Variants in OSBPL9 observed in about 807,000 individuals in gnomAD.
OSBPL9 encodes the protein oxysterol-binding protein-related protein 9.
Under a neutral mutation model 106.6 loss-of-function variants are expected in OSBPL9, and 40 were observed. The ratio of observed to expected loss-of-function variants is 0.38; its 90% CI spans 0.29 to 0.49. OSBPL9 has a LOEUF of 0.49. Among genes scored for constraint, OSBPL9 ranks in the 20% least tolerant of loss-of-function variants. The pLI is 0.97. For synonymous variants in OSBPL9, 269 were observed against 295.4 expected, an observed-to-expected ratio of 0.91 and a Z score of 0.92; for missense variants, 609 against 887.2, an observed-to-expected ratio of 0.69 and a Z score of 3.98.
chr1:51,646,586 C>A (rs538279923), intron 1 of OSBPL9, among the ~76,000 whole-genome samples: 2 of 152,108 alleles, frequency 1.3e-5, no homozygotes, highest in Non-Finnish European at 2.9e-5. Flanking sequence ...CTCCATTGCC[C>A]AGGCTGGAGT....
chr1:51,712,912 C>T lies in OSBPL9; in HGVS notation c.242-1091C>T, dbSNP rs144184312. ...TTTTGCTAGTAGATGCCTGGCGTCA[C>T]TAAAAATCTGTGATCATTTAAATCA... On this transcript the variant is annotated intron_variant, in intron 3 of 23. Coordinates refer to ENST00000428468, the MANE Select transcript of OSBPL9 (RefSeq NM_024586.6). Among the ~76,000 whole-genome samples, 971 of 152,298 alleles carry T rather than the reference C, an allele frequency of 6.4e-3. 7 individuals carry two copies. The highest frequency in any genetic ancestry group is 0.011 in the Non-Finnish European group (758 of 68,032).
chr1:51,667,912 C>T (rs1464038789), intron 2 of OSBPL9, among the ~76,000 whole-genome samples: 1 of 152,158 alleles, frequency 6.6e-6, no homozygotes, highest in Non-Finnish European at 1.5e-5. Flanking sequence ...GATAAAATTT[C>T]CTACCCCATC....
intron 1 of OSBPL9, among the ~76,000 whole-genome samples, chr1:51,595,760 G>T (rs1411345828): frequency 6.6e-6 from 1 of 152,102 alleles, no homozygotes; most frequent in Non-Finnish European, 1.5e-5. Context: ...ACTGCACCAG[G>T]CTCTTAAGAG....
chr1:51,705,658 G>A (rs191387235), intron 3 of OSBPL9, among the ~76,000 whole-genome samples: 12 of 151,678 alleles, frequency 7.9e-5, no homozygotes, highest in Admixed American at 7.2e-4. Context: ...CAGGTGATCC[G>A]CTGGCCTCAG....
chr1:51,711,521 C>CA (rs1659915100), intron 3 of OSBPL9, among the ~76,000 whole-genome samples: 1 of 133,234 alleles, frequency 7.5e-6, no homozygotes, highest in Non-Finnish European at 1.6e-5. Context: ...GCTGACCCCC[C>CA]ACCTCCCTCC....
intron 3 of OSBPL9, among the ~76,000 whole-genome samples, chr1:51,699,914 G>A (rs916441439): frequency 2.0e-5 from 3 of 152,182 alleles, no homozygotes; most frequent in Admixed American, 2.0e-4. Flanking sequence ...TTATCTACAT[G>A]TATATCGAAA....
At chr1:51,544,836 G>GTTTTTTTTTTT in the OSBPL9 span, among the ~76,000 whole-genome samples, 1 of 126,688 alleles carries the variant, frequency 7.9e-6, no homozygotes, top group African/African-American at 3.1e-5. Context: ...TAAGAGACAT[G>GTTTTTTTTTTT]CTTTTTTTTT....
chr1:51,652,744 C>T (rs1348224204), intron 2 of OSBPL9, among the ~76,000 whole-genome samples: 1 of 152,156 alleles, frequency 6.6e-6, no homozygotes, highest in African/African-American at 2.4e-5. Flanking sequence ...CTAGTGGCTG[C>T]CTTATGGTGC....
intron 4 of OSBPL9, among the ~76,000 whole-genome samples, chr1:51,720,526 A>C (rs1160482931): frequency 6.6e-6 from 1 of 151,744 alleles, no homozygotes; most frequent in Non-Finnish European, 1.5e-5. Context: ...GGGTCTCACC[A>C]TGTTGTCAAG....
the OSBPL9 span, chr1:51,567,409 C>T: frequency 6.6e-6 from 1 of 152,208 alleles, no homozygotes; most frequent in East Asian, 1.9e-4. Context: ...CTCTAGCCAA[C>T]CTAGGTGTCT....
At chr1:51,741,544 C>A (rs563358304) in intron 4 of OSBPL9, among the ~76,000 whole-genome samples, 175 of 150,562 alleles carry the variant, frequency 1.2e-3, no homozygotes, top group African/African-American at 4.1e-3. Flanking sequence ...CCACTCCCTC[C>A]CCCAACCTCT....
intron 2 of OSBPL9, among the ~76,000 whole-genome samples, chr1:51,655,798 A>G (rs1646780780): frequency 6.6e-6 from 1 of 152,196 alleles, no homozygotes; most frequent in East Asian, 1.9e-4. Flanking sequence ...CCTCTTCTTT[A>G]AGGTGGAGAT....
At chr1:51,760,855 CTA>C (rs1671341338) in intron 10 of OSBPL9, 75 bp downstream of exon 10, 1 of 1,463,974 alleles carries the variant, frequency 6.8e-7, no homozygotes, top group African/African-American at 1.4e-5. Flanking sequence ...GCAGTCTTAG[CTA>C]TTACTGTTTA....
At chr1:51,739,624 TA>T (rs919827752) in intron 4 of OSBPL9, among the ~76,000 whole-genome samples, 47 of 152,058 alleles carry the variant, frequency 3.1e-4, no homozygotes, top group African/African-American at 1.1e-3. Context: ...ATTTTATGGA[TA>T]TTTTTTAATT....
At chr1:51,569,921 T>C in the OSBPL9 span, among the ~76,000 whole-genome samples, 2 of 152,164 alleles carry the variant, frequency 1.3e-5, no homozygotes, top group Non-Finnish European at 2.9e-5. Flanking sequence ...GAGTATTATC[T>C]CCACTTTACA....
At chr1:51,754,520 CAAAT>C (rs998296465) in intron 8 of OSBPL9, among the ~76,000 whole-genome samples, 2 of 152,078 alleles carry the variant, frequency 1.3e-5, no homozygotes, top group African/African-American at 4.8e-5. Flanking sequence ...AAAATAGATG[CAAAT>C]AAATACTGTT....
At chr1:51,538,250 C>A in the OSBPL9 span, among the ~76,000 whole-genome samples, 17 of 152,066 alleles carry the variant, frequency 1.1e-4, no homozygotes, top group African/African-American at 4.1e-4. Context: ...CAAGATCACG[C>A]CACTGCACTC....
At chr1:51,594,351 G>A (rs1645289728) in intron 1 of OSBPL9, among the ~76,000 whole-genome samples, 1 of 152,054 alleles carries the variant, frequency 6.6e-6, no homozygotes, top group Non-Finnish European at 1.5e-5. Flanking sequence ...GCAGTGAGCC[G>A]AGATCATGCC....
rs144464769 is a variant in OSBPL9 at position 51,704,434 on chromosome 1, G to A, written c.242-9569G>A. On this transcript the variant is annotated intron_variant, in intron 3 of 23. Coordinates refer to ENST00000428468, the MANE Select transcript of OSBPL9 (RefSeq NM_024586.6). ...TTTTCTAGTTTATTTGCGTAGAGGT[G>A]TTTATAGTATTCTCTGATGGTAGTT... 4.3e-3 allele frequency among the ~76,000 whole-genome samples: 662 copies of A among 152,288 alleles called. 3 individuals carry two copies. Among genetic ancestry groups the A allele is most frequent in the Middle Eastern group, 0.014 (4 of 294 alleles).
Sources: gnomAD v4.1 joint callset for allele counts (sites outside exome capture counted in the v4.1 genomes callset) on GRCh38, gnomAD v4.1.1 for gene constraint, MANE v1.5 for transcripts, NCBI Gene and HGNC (gene_info 2026-07-23, HGNC 2026-07-21) for gene names.